ANKMY1: variants seen among roughly 807,000 people sequenced by gnomAD.
ANKMY1 encodes ankyrin repeat and MYND domain-containing protein 1.
ANKMY1 carries 98 observed loss-of-function variants against 102.0 expected under a neutral mutation model. The observed-to-expected ratio is 0.96, with a 90% confidence interval of 0.82 to 1.14. The LOEUF (loss-of-function observed/expected upper bound fraction) is 1.14, where lower values mean the gene tolerates loss of function less well. ANKMY1 is among the 50% of genes most tolerant of loss of function. ANKMY1 has a pLI of 0.00. For synonymous variants in ANKMY1, 582 were observed against 559.9 expected, an observed-to-expected ratio of 1.04 and a Z score of -0.56; for missense variants, 1,330 against 1,347.6, an observed-to-expected ratio of 0.99 and a Z score of 0.20.
rs1222197924 is a variant in ANKMY1, at chr2:240,480,986, C to T, written c.2997G>A (p.Lys999=). 1 of 1,613,718 alleles carries T rather than the reference C, an allele frequency of 6.2e-7. No homozygotes were observed. Among genetic ancestry groups the T allele is most frequent in the Non-Finnish European group, 8.5e-7 (1 of 1,179,780 alleles). ...ILTCSKYCKT[K]AWTEFHKKDC... ...CCTTCTTGTGGAACTCGGTCCAGGCCTTGGTCTTGCAGTACTTGCTGCAGG... is the reference window on the plus strand; with the variant it reads ...CCTTCTTGTGGAACTCGGTCCAGGCTTTGGTCTTGCAGTACTTGCTGCAGG... Residue 999 remains lysine, a synonymous_variant, in exon 17 of 18, where the codon AAG becomes AAA. Transcript: ENST00000401804.
chr2:240,512,916 G>C lies in ANKMY1; in HGVS notation c.2031C>G (p.Ile677Met), dbSNP rs374308273. ...PQLSTLTPLH[I>M]AAALPGEEGV... ...CCTCCTCCCCAGGAAGGGCGGCAGC[G>C]ATGTGGAGTGGTGTCAGGGTGCTCA... Residue 677 changes from isoleucine to methionine, a missense_variant, in exon 10 of 18, where the codon ATC becomes ATG. Ile to Met is a conservative substitution (Grantham distance 10). Coordinates refer to ENST00000401804, the MANE Select transcript of ANKMY1 (RefSeq NM_001282771.3). 3 of 1,613,842 alleles carry C rather than the reference G, an allele frequency of 1.9e-6. No individual in the cohort carries two copies. In the African/African-American group the frequency reaches 4.0e-5, roughly 22 times the overall value.
chr2:240,517,908 G>C (rs946987616), intron 9 of ANKMY1, among the ~76,000 whole-genome samples: 15 of 152,172 alleles, frequency 9.9e-5, no homozygotes, highest in Non-Finnish European at 2.1e-4. Context: ...ATTTGCCTTT[G>C]GTGGAAGTGG....
Position 240,529,527 on chromosome 2 carries a change from T to A in ANKMY1, c.481-18A>T. 1.3e-6 allele frequency: 2 copies of A among 1,596,918 alleles called. No homozygotes were observed. The highest frequency in any genetic ancestry group is 1.7e-6 in the Non-Finnish European group (2 of 1,170,684). On this transcript the variant is annotated intron_variant, in intron 4 of 17. Transcript: ENST00000401804. The surrounding 1 kb of genome is among the most constrained non-coding windows in gnomAD (Gnocchi z 4.2). The stretch of plus-strand genomic sequence containing the variant: ...TATAGCCCCTGCCAAGGAAGCGCAA[T>A]AGACCGAGGAGAGATAACGCGACCC...
At chr2:240,484,857 A>G (rs1390400901) in intron 15 of ANKMY1, among the ~76,000 whole-genome samples, 1 of 152,166 alleles carries the variant, frequency 6.6e-6, no homozygotes, top group Non-Finnish European at 1.5e-5. Context: ...TTTACAAGAA[A>G]AAAACAAACA....
At chr2:240,523,777 C>T in intron 8 of ANKMY1, 108 bp downstream of exon 8, 1 of 1,472,456 alleles carries the variant, frequency 6.8e-7, no homozygotes, top group Non-Finnish European at 9.1e-7. Flanking sequence ...CACACATCTC[C>T]AGACACAACG....
intron 4 of ANKMY1, among the ~76,000 whole-genome samples, chr2:240,540,723 T>G (rs1264227396): frequency 6.6e-6 from 1 of 152,240 alleles, no homozygotes; most frequent in African/African-American, 2.4e-5. Context: ...CTGGTCTCAG[T>G]GACTGGCTTT....
chr2:240,523,533 G>A (rs1046833361), intron 8 of ANKMY1: 6 of 316,192 alleles, frequency 1.9e-5, no homozygotes, highest in South Asian at 1.2e-4. Context: ...TGTCACTCAC[G>A]TGCACTATGG....
At chr2:240,511,833 GC>G in intron 11 of ANKMY1, 27 bp downstream of exon 11, 1 of 1,557,736 alleles carries the variant, frequency 6.4e-7, no homozygotes, top group Non-Finnish European at 8.6e-7. Context: ...GCAGCCCTGT[GC>G]CCCCGCCAGG....
chr2:240,483,035 C>T (rs996299048), intron 15 of ANKMY1, among the ~76,000 whole-genome samples: 1 of 152,134 alleles, frequency 6.6e-6, no homozygotes, highest in African/African-American at 2.4e-5. Context: ...CATAAAATGT[C>T]CCTCTTTCTC....
At position 240,525,774 on chromosome 2, in the gene ANKMY1, G is replaced by A. The variant is rs1336518997; in HGVS notation, c.1246C>T (p.Leu416Phe). 1.2e-6 allele frequency: 2 copies of A among 1,614,140 alleles called. No individual in the cohort carries two copies. Among genetic ancestry groups the A allele is most frequent in the Non-Finnish European group, 8.5e-7 (1 of 1,179,998 alleles). The change falls in exon 7 of 18, where the codon CTC becomes TTC. Residue 416 changes from leucine (L) to phenylalanine (F), a missense_variant. By Grantham distance (22) the Leu-to-Phe change is conservative. Transcript: ENST00000401804. ...ADVNKCSDEG[L>F]TALSMCFLLH... is the part of the protein sequence containing the mutation. ...AGGAAACACATGCTGAGTGCCGTGAGACCCTCATCTGAGCACTTGTTCACG... is the reference window on the plus strand; with the variant it reads ...AGGAAACACATGCTGAGTGCCGTGAAACCCTCATCTGAGCACTTGTTCACG...
intron 4 of ANKMY1, among the ~76,000 whole-genome samples, chr2:240,538,493 C>T (rs889136292): frequency 3.3e-5 from 5 of 152,144 alleles, no homozygotes; most frequent in East Asian, 1.9e-4. Context: ...CTCAAATTCT[C>T]GTGGGGACTC....
rs2075310171 is a variant in ANKMY1 at position 240,480,941 on chromosome 2, G to A, written c.3042C>T (p.Ala1014=). 1.7e-5 allele frequency: 28 copies of A among 1,605,612 alleles called. No individual in the cohort carries two copies. The highest frequency in any genetic ancestry group is 2.4e-5 in the Non-Finnish European group (28 of 1,173,160). ...FHKKDCGDLV[A]IVTQLEQVSR... is the part of the protein sequence containing the mutation. ...CCAGCCTGAGGGCCGACCTACCGAT[G>A]GCCACCAGGTCCCCGCAGTCCTTCT... The change falls in exon 17 of 18, where the codon GCC becomes GCT. Residue 1014 remains alanine (A), a synonymous_variant. Transcript: ENST00000401804.
At chr2:240,525,620 C>T (rs928655593) in intron 7 of ANKMY1, 65 bp downstream of exon 7, 7 of 1,551,632 alleles carry the variant, frequency 4.5e-6, no homozygotes, top group Non-Finnish European at 5.3e-6. Flanking sequence ...GCTTGGTGGA[C>T]ATTTACAGAG....
chr2:240,500,332 C>T lies in ANKMY1; in HGVS notation c.2640+120G>A. 3 of 1,228,088 alleles carry T rather than the reference C, an allele frequency of 2.4e-6. No individual in the cohort carries two copies. In the South Asian group the frequency reaches 4.3e-5, roughly 18 times the overall value. 76.1% of individuals were successfully genotyped at this position (1,228,088 alleles called of 1,614,324 possible). ...TCACCTCTGCAGCCAAGGGGCTGCT[C>T]TGGGGGCGGCGCTAGGAACCTTGAG... On this transcript the variant is annotated intron_variant, in intron 14 of 17. Transcript: ENST00000401804.
In ANKMY1 at chr2:240,524,078, G is replaced by T. The variant is rs34088616; in HGVS notation, c.1639C>A (p.Arg547=). The change falls in exon 8 of 18, where the codon CGG becomes AGG. Residue 547 remains arginine (R), a synonymous_variant. Transcript: ENST00000401804. ...GLEDVLGNTD[R]GSLCSAETKF... ...GTCTCAGCACTGCACAGACTGCCCCGGTCTGTGTTTCCCAACACGTCCTCA... is the reference window on the plus strand; with the variant it reads ...GTCTCAGCACTGCACAGACTGCCCCTGTCTGTGTTTCCCAACACGTCCTCA... The T allele has an allele frequency of 1.1e-5, 17 of 1,614,018 alleles. No homozygotes were observed. In the East Asian group the frequency reaches 3.8e-4, roughly 36 times the overall value.
chr2:240,477,322 A>T (rs983705392), downstream of ANKMY1, among the ~76,000 whole-genome samples: 3 of 152,228 alleles, frequency 2.0e-5, no homozygotes, highest in African/African-American at 4.8e-5. Context: ...GTCTCAAAAA[A>T]AATAATAAAA....
At chr2:240,495,837 C>G (rs1470240692) in intron 15 of ANKMY1, among the ~76,000 whole-genome samples, 2 of 152,160 alleles carry the variant, frequency 1.3e-5, no homozygotes, top group Admixed American at 6.5e-5. Context: ...CACCTCTTCC[C>G]TATATTGGGA....
intron 4 of ANKMY1, among the ~76,000 whole-genome samples, chr2:240,549,630 A>T (rs2125038668): frequency 6.6e-6 from 1 of 152,334 alleles, no homozygotes; most frequent in Non-Finnish European, 1.5e-5. Flanking sequence ...CAAAGGGCTA[A>T]TATCCAGAAT....
intron 15 of ANKMY1, among the ~76,000 whole-genome samples, chr2:240,493,819 G>A (rs1466830719): frequency 6.6e-6 from 1 of 152,176 alleles, no homozygotes; most frequent in East Asian, 1.9e-4. Context: ...AGTTCTTAGG[G>A]CTCCAAATGG....
Sources: allele counts gnomAD v4.1 joint callset (sites outside exome capture counted in the v4.1 genomes callset), GRCh38; gene constraint gnomAD v4.1.1; non-coding constraint Gnocchi (gnomAD v3.1); transcripts MANE v1.5; gene names NCBI Gene and HGNC (gene_info 2026-07-23, HGNC 2026-07-21).